Variants in GPHN observed in about 807,000 individuals in gnomAD.
The protein encoded by GPHN is gephyrin.
A neutral mutation model predicts 95.5 loss-of-function variants in GPHN; 17 were observed. The ratio of observed to expected loss-of-function variants is 0.18; its 90% CI spans 0.12 to 0.27. The LOEUF is 0.27. Among genes scored for constraint, GPHN ranks in the 10% least tolerant of loss-of-function variants. The probability of loss-of-function intolerance (pLI) is 1.00; values close to 1 mark genes in which losing one functional copy is unlikely to be tolerated. For synonymous variants in GPHN, 320 were observed against 322.5 expected (o/e 0.99, Z 0.08); for missense variants, 660 against 978.1 (o/e 0.67, Z 4.34).
the GPHN span, among the ~76,000 whole-genome samples, chr14:67,669,994 C>G: frequency 6.6e-6 from 1 of 152,204 alleles, no homozygotes; most frequent in African/African-American, 2.4e-5. Context: ...ACTCGGGAGG[C>G]TGAGGTGGGA....
chr14:67,499,922 G>A, the GPHN span, among the ~76,000 whole-genome samples: 59 of 152,252 alleles, frequency 3.9e-4, no homozygotes, highest in African/African-American at 1.3e-3. Context: ...TGGGGGCTGC[G>A]GATTAAGGAG....
chr14:66,926,918 T>C (rs2153563768), intron 8 of GPHN, among the ~76,000 whole-genome samples: 1 of 152,342 alleles, frequency 6.6e-6, no homozygotes, highest in South Asian at 2.1e-4. Flanking sequence ...CTTCAATTTC[T>C]TGCAAAAATG....
the GPHN span, among the ~76,000 whole-genome samples, chr14:67,299,696 A>C: frequency 1.3e-5 from 2 of 152,250 alleles, no homozygotes; most frequent in African/African-American, 2.4e-5. Flanking sequence ...AATAAGCAAC[A>C]TATAGGTTAG....
At chr14:67,174,781 A>G (rs1307875535) in intron 21 of GPHN, among the ~76,000 whole-genome samples, 1 of 152,180 alleles carries the variant, frequency 6.6e-6, no homozygotes, top group Admixed American at 6.5e-5. Context: ...TCTAACTGCC[A>G]TGAGGTGATA....
chr14:67,670,018 C>G, the GPHN span, among the ~76,000 whole-genome samples: 1 of 152,140 alleles, frequency 6.6e-6, no homozygotes, highest in Admixed American at 6.5e-5. Context: ...TCACCTGAGC[C>G]CGGGAAGCCA....
At chr14:66,826,133 A>T (rs1451105845) in intron 4 of GPHN, among the ~76,000 whole-genome samples, 3 of 152,242 alleles carry the variant, frequency 2.0e-5, no homozygotes, top group Non-Finnish European at 4.4e-5. Flanking sequence ...AAATTAATTC[A>T]TAACCAAATA....
intron 1 of GPHN, among the ~76,000 whole-genome samples, chr14:66,608,786 A>G (rs2062654372): frequency 6.6e-6 from 1 of 152,082 alleles, no homozygotes; most frequent in Non-Finnish European, 1.5e-5. Flanking sequence ...AGTCTGCCTT[A>G]TCTGATATTA....
chr14:66,740,911 T>A (rs2072743334), intron 2 of GPHN, among the ~76,000 whole-genome samples: 1 of 152,194 alleles, frequency 6.6e-6, no homozygotes, highest in Non-Finnish European at 1.5e-5. Flanking sequence ...AGAAAAAATT[T>A]ATTTCTTACA....
At chr14:67,733,589 T>A in the GPHN span, among the ~76,000 whole-genome samples, 1 of 152,268 alleles carries the variant, frequency 6.6e-6, no homozygotes, top group African/African-American at 2.4e-5. Context: ...AATTTGTTTT[T>A]AAAATATTTT....
At chr14:67,165,801 C>T (rs1213033857) in intron 20 of GPHN, among the ~76,000 whole-genome samples, 1 of 152,202 alleles carries the variant, frequency 6.6e-6, no homozygotes, top group Admixed American at 6.5e-5. Context: ...CCACCCTTGT[C>T]CCAACGTGAG....
the GPHN span, among the ~76,000 whole-genome samples, chr14:67,349,679 G>GCCAGTCTCATAAC: frequency 6.6e-6 from 1 of 152,098 alleles, no homozygotes; most frequent in East Asian, 1.9e-4. Context: ...ACAAAAATTA[G>GCCAGTCTCATAAC]CCAGTCTCAT....
chr14:66,886,160 A>G lies in GPHN; in HGVS notation c.389+6127A>G, dbSNP rs1483573855. Among the ~76,000 whole-genome samples, 4 of 152,198 alleles carry G rather than the reference A, an allele frequency of 2.6e-5. No individual in the cohort carries two copies. The South Asian group carries it at 6.2e-4, about 24-fold the overall frequency. On this transcript the variant is annotated intron_variant, in intron 5 of 22. Coordinates refer to ENST00000478722, the MANE Select transcript of GPHN (RefSeq NM_020806.5). ...TTTTAAAAACATAAAAAAAGAATCA[A>G]TCAGGCAGCTAAAATGACCTATCAG... is the stretch of plus-strand genomic sequence containing the variant.
At chr14:66,691,826 T>G (rs547354709) in intron 2 of GPHN, among the ~76,000 whole-genome samples, 1 of 152,274 alleles carries the variant, frequency 6.6e-6, no homozygotes, top group South Asian at 2.1e-4. Flanking sequence ...CTGATTGACA[T>G]AGAATGGAAG....
intron 4 of GPHN, among the ~76,000 whole-genome samples, chr14:66,848,134 T>G (rs1318487701): frequency 1.3e-5 from 2 of 152,138 alleles, no homozygotes; most frequent in African/African-American, 4.8e-5. Context: ...CTTTTTAGAT[T>G]TCTTATAATA....
chr14:66,763,374 A>G (rs868134146), intron 2 of GPHN, among the ~76,000 whole-genome samples: 15 of 138,900 alleles, frequency 1.1e-4, no homozygotes, highest in Middle Eastern at 3.5e-3. Flanking sequence ...ATATCTCCCA[A>G]TGCTATCCCT....
In GPHN at chr14:66,919,451, G is replaced by A. The variant is rs778496195; in HGVS notation, c.457-3215G>A. Among the ~76,000 whole-genome samples the A allele has an allele frequency of 8.5e-5, 13 of 152,244 alleles. No homozygotes were observed. In the South Asian group the frequency reaches 1.2e-3, roughly 15 times the overall value. On this transcript the variant is annotated intron_variant, in intron 6 of 22. Coordinates refer to ENST00000478722, the MANE Select transcript of GPHN (RefSeq NM_020806.5). ...AACATACCCCAGTGGTGGGGTCACCGAAGCCCAAACGGGCTCAATCTCCTG... is the reference window on the plus strand; with the variant it reads ...AACATACCCCAGTGGTGGGGTCACCAAAGCCCAAACGGGCTCAATCTCCTG...
intron 11 of GPHN, among the ~76,000 whole-genome samples, chr14:67,059,200 G>T (rs999145757): frequency 6.6e-6 from 1 of 151,804 alleles, no homozygotes; most frequent in African/African-American, 2.4e-5. Flanking sequence ...TTTTCTGTTT[G>T]GAAAACCTGT....
chr14:67,175,680 T>G (rs968587245), intron 21 of GPHN, among the ~76,000 whole-genome samples: 1 of 152,212 alleles, frequency 6.6e-6, no homozygotes, highest in Non-Finnish European at 1.5e-5. Context: ...GTATGGCCAT[T>G]TTCATGATAT....
At chr14:66,780,569 A>G (rs2059569046) in intron 3 of GPHN, among the ~76,000 whole-genome samples, 1 of 151,616 alleles carries the variant, frequency 6.6e-6, no homozygotes, top group Non-Finnish European at 1.5e-5. Flanking sequence ...GAGTTACAAG[A>G]GTTATCCCTC....
Sources: gnomAD v4.1 joint callset for allele counts (sites outside exome capture counted in the v4.1 genomes callset) on GRCh38, gnomAD v4.1.1 for gene constraint, MANE v1.5 for transcripts, NCBI Gene and HGNC (gene_info 2026-07-23, HGNC 2026-07-21) for gene names.